The following DAPP1 variants were observed in gnomAD, a reference collection of about 807,000 sequenced individuals.
DAPP1 encodes dual adapter for phosphotyrosine and 3-phosphotyrosine and 3-phosphoinositide.
Under a neutral mutation model 41.5 loss-of-function variants are expected in DAPP1, and 20 were observed. The ratio of observed to expected loss-of-function variants is 0.48; its 90% CI spans 0.34 to 0.70. The LOEUF (loss-of-function observed/expected upper bound fraction) is 0.70, where lower values mean the gene tolerates loss of function less well. Among genes scored for constraint, DAPP1 ranks in the 30% least tolerant of loss-of-function variants. The pLI is 0.01. For synonymous variants in DAPP1, 113 were observed against 116.2 expected (o/e 0.97, Z 0.18); for missense variants, 233 against 333.4 (o/e 0.70, Z 2.35).
chr4:99,840,370 G>C lies in DAPP1; in HGVS notation c.306G>C (p.Leu102Phe). ...TTGGCTTTAATGAATTCTCATCTTT[G>C]AAGGATTTTGTCAAGCATTTTGCAA... The part of the protein sequence containing the change: ...FKFGFNEFSS[L>F]KDFVKHFANQ... Residue 102 changes from leucine (L) to phenylalanine (F), a missense_variant, in exon 3 of 9, where the codon TTG becomes TTC. By Grantham distance (22) the Leu-to-Phe change is conservative. Transcript: ENST00000512369. The C allele has an allele frequency of 5.6e-6, 9 of 1,611,176 alleles. No individual in the cohort carries two copies. Among genetic ancestry groups the C allele is most frequent in the Non-Finnish European group, 7.6e-6 (9 of 1,179,066 alleles).
At chr4:99,825,826 A>C (rs1249534431) in intron 1 of DAPP1, among the ~76,000 whole-genome samples, 1 of 152,202 alleles carries the variant, frequency 6.6e-6, no homozygotes, top group Admixed American at 6.5e-5. Context: ...ACACTTGTGA[A>C]CATGTGACTT....
At chr4:99,850,482 T>C (rs891235909) in intron 3 of DAPP1, among the ~76,000 whole-genome samples, 2 of 152,218 alleles carry the variant, frequency 1.3e-5, no homozygotes, top group Admixed American at 1.3e-4. Flanking sequence ...TACATCTTTC[T>C]GGAGTGTCAT....
intron 1 of DAPP1, among the ~76,000 whole-genome samples, chr4:99,833,227 A>G (rs1473663184): frequency 6.6e-6 from 1 of 152,242 alleles, no homozygotes; most frequent in Non-Finnish European, 1.5e-5. Flanking sequence ...AGCATTTTGT[A>G]GTGAACAGAT....
intron 1 of DAPP1, among the ~76,000 whole-genome samples, chr4:99,824,003 T>C (rs1722858166): frequency 6.6e-6 from 1 of 152,188 alleles, no homozygotes; most frequent in Non-Finnish European, 1.5e-5. Context: ...TTATAACTCA[T>C]TGTTTGCTTT....
At chr4:99,866,301 A>G (rs1215156612) in intron 8 of DAPP1, among the ~76,000 whole-genome samples, 180 bp downstream of exon 8, 2 of 152,080 alleles carry the variant, frequency 1.3e-5, no homozygotes, top group Non-Finnish European at 2.9e-5. Flanking sequence ...AGATGGAGAC[A>G]GGATTGTAAA....
chr4:99,832,955 G>A (rs1033047819), intron 1 of DAPP1, among the ~76,000 whole-genome samples: 5 of 152,184 alleles, frequency 3.3e-5, no homozygotes, highest in Non-Finnish European at 5.9e-5. Context: ...CAATTCCATT[G>A]AAAAGAATCC....
Position 99,835,847 on chromosome 4 carries a change from GT to G in DAPP1, c.224+104del, listed in dbSNP as rs1332430293. 1.7e-5 allele frequency: 25 copies of G among 1,458,184 alleles called. No homozygotes were observed. The Middle Eastern group carries it at 5.4e-4, about 32-fold the overall frequency. 90.3% of individuals were successfully genotyped at this position (1,458,184 alleles called of 1,614,324 possible). A position where few individuals can be genotyped will look rare whatever the true frequency, so the allele number is the denominator to read the frequency against. On this transcript the variant is annotated intron_variant, in intron 2 of 8. Transcript: ENST00000512369. Reference sequence around the variant, plus strand: ...CAGACAGCAAAACTTCCCAATTCCTGTTGGACCACCAGGTTAAAGGATTCCA... The same window carrying G: ...CAGACAGCAAAACTTCCCAATTCCTGTGGACCACCAGGTTAAAGGATTCCA...
intron 1 of DAPP1, among the ~76,000 whole-genome samples, chr4:99,818,823 T>C (rs2110130610): frequency 6.6e-6 from 1 of 152,358 alleles, no homozygotes; most frequent in South Asian, 2.1e-4. Context: ...GTCCTGGTTC[T>C]TGACCTTGGC....
intron 3 of DAPP1, among the ~76,000 whole-genome samples, chr4:99,842,395 AT>A (rs1240834919): frequency 4.7e-4 from 72 of 152,350 alleles, no homozygotes; most frequent in African/African-American, 1.6e-3. Flanking sequence ...CCAATGAAGA[AT>A]TTGCTGCTGT....
chr4:99,839,325 G>A (rs1303262850), intron 2 of DAPP1, among the ~76,000 whole-genome samples: 2 of 148,610 alleles, frequency 1.3e-5, no homozygotes, highest in African/African-American at 2.5e-5. Flanking sequence ...AGATAGAATG[G>A]GATCAAATAA....
rs1482136874 is a variant in DAPP1 at position 99,870,018 on chromosome 4, T to G, written c.*1833T>G. 6.6e-6 allele frequency: 1 copy of G among 152,196 alleles called. No homozygotes were observed. Among genetic ancestry groups the G allele is most frequent in the East Asian group, 1.9e-4 (1 of 5,198 alleles). 9.4% of individuals were successfully genotyped at this position (152,196 alleles called of 1,614,324 possible). On this transcript the variant is annotated 3_prime_UTR_variant, in exon 9 of 9. Coordinates refer to ENST00000512369, the MANE Select transcript of DAPP1 (RefSeq NM_014395.3). Reference sequence around the variant, plus strand: ...ATGTATAGTTTTATGTTTGTTTTCTTAGAAACAAATGTGTTTCTTTGGGTG... The same window carrying G: ...ATGTATAGTTTTATGTTTGTTTTCTGAGAAACAAATGTGTTTCTTTGGGTG...
chr4:99,839,149 T>C (rs1317225190), intron 2 of DAPP1, among the ~76,000 whole-genome samples: 1 of 151,980 alleles, frequency 6.6e-6, no homozygotes, highest in Non-Finnish European at 1.5e-5. Context: ...ATGCTAGGAA[T>C]GCACAGTCTC....
chr4:99,862,179 G>A (rs1009144428), intron 5 of DAPP1, among the ~76,000 whole-genome samples: 1 of 152,140 alleles, frequency 6.6e-6, no homozygotes, highest in Non-Finnish European at 1.5e-5. Context: ...CTCGTTTTAA[G>A]AGTCACGGTA....
chr4:99,854,249 C>G (rs910522322), intron 4 of DAPP1, among the ~76,000 whole-genome samples: 4 of 152,140 alleles, frequency 2.6e-5, no homozygotes, highest in Admixed American at 6.5e-5. Context: ...CTCCAACACC[C>G]TTTTCCCTTC....
intron 4 of DAPP1, among the ~76,000 whole-genome samples, chr4:99,859,398 G>T (rs1724160500): frequency 6.6e-6 from 1 of 152,022 alleles, no homozygotes; most frequent in African/African-American, 2.4e-5. Context: ...TTGTTATCAG[G>T]ATGTCACTCT....
chr4:99,830,290 C>T (rs999490305), intron 1 of DAPP1, among the ~76,000 whole-genome samples: 3 of 151,604 alleles, frequency 2.0e-5, no homozygotes, highest in Non-Finnish European at 2.9e-5. Flanking sequence ...GGCTGAGGCA[C>T]GAGAATTGCG....
At position 99,837,202 on chromosome 4, in the gene DAPP1, C is replaced by T. The variant is rs111666268; in HGVS notation, c.224+1457C>T. On this transcript the variant is annotated intron_variant, in intron 2 of 8. Transcript: ENST00000512369. ...CACTCAGATAATGTCCATATCTTAACATCAACTGACTTGGGACTTTATGAC... is the reference window on the plus strand; with the variant it reads ...CACTCAGATAATGTCCATATCTTAATATCAACTGACTTGGGACTTTATGAC... Among the ~76,000 whole-genome samples, 1,516 of 152,356 alleles carry T rather than the reference C, an allele frequency of 1.0e-2. 29 individuals are homozygous for T. Among genetic ancestry groups the T allele is most frequent in the African/African-American group, 0.035 (1,438 of 41,578 alleles).
chr4:99,823,836 C>T (rs1371131699), intron 1 of DAPP1, among the ~76,000 whole-genome samples: 9 of 150,722 alleles, frequency 6.0e-5, no homozygotes, highest in Admixed American at 4.6e-4. Flanking sequence ...AGTGCTAACC[C>T]GGGAATAGTC....
chr4:99,819,778 G>A (rs1352143229), intron 1 of DAPP1, among the ~76,000 whole-genome samples: 2 of 151,500 alleles, frequency 1.3e-5, no homozygotes, highest in African/African-American at 4.8e-5. Flanking sequence ...AAACAGATAA[G>A]TTAGTGGTTA....
Sources: allele counts gnomAD v4.1 joint callset (sites outside exome capture counted in the v4.1 genomes callset), GRCh38; gene constraint gnomAD v4.1.1; transcripts MANE v1.5; gene names NCBI Gene and HGNC (gene_info 2026-07-23, HGNC 2026-07-21).